The following CD34 variants were observed in gnomAD, a reference collection of about 807,000 sequenced individuals.
CD34 encodes CD34 molecule, also known as hematopoietic progenitor cell antigen CD34.
In CD34, 34 loss-of-function variants were observed where a neutral mutation model predicts 40.1. The observed-to-expected ratio is 0.85, with a 90% CI of 0.65 to 1.13. The LOEUF is 1.13. CD34 is among the 50% of genes most tolerant of loss of function. The pLI is 0.00. For missense variants in CD34, 426 were observed against 466.9 expected (o/e 0.91, Z 0.81); for synonymous variants, 209 against 190.0 (o/e 1.10, Z -0.82).
intron 1 of CD34, among the ~76,000 whole-genome samples, chr1:207,905,327 G>A (rs572677787): frequency 1.1e-4 from 17 of 152,300 alleles, no homozygotes; most frequent in Non-Finnish European, 2.4e-4. Flanking sequence ...GTAGAGACGG[G>A]GTTTAGCCAT....
At position 207,889,157 on chromosome 1, in the gene CD34, T is replaced by C. The variant is rs201611025; in HGVS notation, c.807+4A>G. 2 of 1,547,630 alleles carry C rather than the reference T, an allele frequency of 1.3e-6. No individual in the cohort carries two copies. The highest frequency in any genetic ancestry group is 8.9e-7 in the Non-Finnish European group (1 of 1,119,282). On this transcript the variant is annotated splice_donor_region_variant and intron_variant, in intron 6 of 7. Transcript: ENST00000310833. Reference sequence around the variant, plus strand: ...TCTCAGGCCCATCATCTCAGAGGACTTACCTTTTTCAGGTCAGATTGGTGC... The same window carrying C: ...TCTCAGGCCCATCATCTCAGAGGACCTACCTTTTTCAGGTCAGATTGGTGC...
intron 1 of CD34, among the ~76,000 whole-genome samples, chr1:207,902,516 G>C (rs1370731031): frequency 6.6e-6 from 1 of 152,152 alleles, no homozygotes; most frequent in Non-Finnish European, 1.5e-5. Flanking sequence ...ATTCATCCAA[G>C]GGGGCAGTAT....
chr1:207,901,589 T>A (rs1662272517), intron 1 of CD34, among the ~76,000 whole-genome samples: 1 of 152,236 alleles, frequency 6.6e-6, no homozygotes, highest in Admixed American at 6.5e-5. Flanking sequence ...CATCTCTTCC[T>A]GCTAAGCTGC....
chr1:207,895,644 A>G (rs1212014498), intron 4 of CD34, among the ~76,000 whole-genome samples: 1 of 152,224 alleles, frequency 6.6e-6, no homozygotes, highest in Non-Finnish European at 1.5e-5. Context: ...CACTTTTCTC[A>G]TACAGTGACC....
chr1:207,885,411 C>A lies in CD34; in HGVS notation c.*2327G>T. On this transcript the variant is annotated 3_prime_UTR_variant, in exon 8 of 8. Transcript: ENST00000310833. ...ACACAGCCCTTCCTCCCAAAGCATA[C>A]ATACACATTCCAGCAAACTCAGGGT... The A allele has an allele frequency of 6.6e-6, 1 of 152,536 alleles. No homozygotes were observed. The allele number at this position is 152,536 out of a possible 1,614,324, so 9.4% of individuals were successfully genotyped here. A position where few individuals can be genotyped will look rare whatever the true frequency, so the allele number is the denominator to read the frequency against.
chr1:207,889,358 C>A, intron 5 of CD34, 107 bp downstream of exon 5: 2 of 1,535,148 alleles, frequency 1.3e-6, no homozygotes, highest in Non-Finnish European at 1.8e-6. Context: ...AGTCCTTCTC[C>A]CCAGCACCTG....
At chr1:207,891,346 C>T (rs1219153847) in intron 4 of CD34, among the ~76,000 whole-genome samples, 2 of 151,982 alleles carry the variant, frequency 1.3e-5, no homozygotes, top group African/African-American at 4.8e-5. Flanking sequence ...TCTATGAATT[C>T]CACCTTGTCA....
At chr1:207,893,214 AC>A (rs1277176913) in intron 4 of CD34, among the ~76,000 whole-genome samples, 3 of 151,978 alleles carry the variant, frequency 2.0e-5, no homozygotes, top group Non-Finnish European at 4.4e-5. Context: ...AACCCATCTA[AC>A]CTCTCTAGAG....
rs1182962138 is a variant in CD34 at position 207,883,017 on chromosome 1, A to G, written c.*4721T>C. The G allele has an allele frequency of 6.6e-6, 1 of 152,198 alleles. No individual in the cohort carries two copies. Among genetic ancestry groups the G allele is most frequent in the African/African-American group, 2.4e-5 (1 of 41,430 alleles). 9.4% of individuals were successfully genotyped at this position (152,198 alleles called of 1,614,324 possible). The stretch of plus-strand genomic sequence containing the variant: ...CTGGCATAGTACCTGGCTTATAATA[A>G]GCACTCAAATATTTTTTGAATAAAT... On this transcript the variant is annotated 3_prime_UTR_variant, in exon 8 of 8. Transcript: ENST00000310833.
rs58259152 is a variant in CD34, at chr1:207,881,659, C to CAAAAAAAAAAAAAAAAAAAAAAAAAAAA, written c.*6078_*6079insTTTTTTTTTTTTTTTTTTTTTTTTTTTT. 1 of 69,034 alleles carries CAAAAAAAAAAAAAAAAAAAAAAAAAAAA rather than the reference C, an allele frequency of 1.4e-5. No homozygotes were observed. Among genetic ancestry groups the CAAAAAAAAAAAAAAAAAAAAAAAAAAAA allele is most frequent in the Non-Finnish European group, 3.0e-5 (1 of 33,770 alleles). The allele number at this position is 69,034 out of a possible 1,614,324, so 4.3% of individuals were successfully genotyped here. On this transcript the variant is annotated 3_prime_UTR_variant, in exon 8 of 8. Coordinates refer to ENST00000310833, the MANE Select transcript of CD34 (RefSeq NM_001025109.2). ...TGGGTGACAGAGCGAGACTCCGTCT[C>CAAAAAAAAAAAAAAAAAAAAAAAAAAAA]AAAAAAAAAAAAAAAAAAAAAGAAT...
intron 1 of CD34, 28 bp downstream of exon 1, chr1:207,910,974 G>C (rs537224462): frequency 2.0e-4 from 313 of 1,555,654 alleles, no homozygotes; most frequent in Non-Finnish European, 1.3e-4. Context: ...GCGAAGCCAA[G>C]CGGCCGCGGC....
Position 207,883,690 on chromosome 1 carries a change from T to C in CD34, c.*4048A>G, listed in dbSNP as rs1018504899. 2.0e-5 allele frequency: 3 copies of C among 152,218 alleles called. No individual in the cohort carries two copies. Among genetic ancestry groups the C allele is most frequent in the African/African-American group, 7.2e-5 (3 of 41,446 alleles). 9.4% of individuals were successfully genotyped at this position (152,218 alleles called of 1,614,324 possible). A position where few individuals can be genotyped will look rare whatever the true frequency, so the allele number is the denominator to read the frequency against. On this transcript the variant is annotated 3_prime_UTR_variant, in exon 8 of 8. Transcript: ENST00000310833. ...GCTATTTAAATATTGGCACCATATCTCAATTTTCATACAGTAAGCACTCAA... is the reference window on the plus strand; with the variant it reads ...GCTATTTAAATATTGGCACCATATCCCAATTTTCATACAGTAAGCACTCAA...
intron 4 of CD34, among the ~76,000 whole-genome samples, chr1:207,893,279 G>A (rs920527312): frequency 1.3e-5 from 2 of 152,146 alleles, no homozygotes; most frequent in East Asian, 1.9e-4. Context: ...CAATGGGGAC[G>A]GAGATGGGGG....
intron 4 of CD34, chr1:207,889,926 CAA>C: frequency 6.7e-7 from 1 of 1,481,840 alleles, no homozygotes; most frequent in South Asian, 1.4e-5. Context: ...AAATTAAACT[CAA>C]AAGAAATGGC....
chr1:207,906,459 T>C (rs1009010388), intron 1 of CD34, among the ~76,000 whole-genome samples: 14 of 152,156 alleles, frequency 9.2e-5, no homozygotes, highest in Non-Finnish European at 2.1e-4. Flanking sequence ...CTTCTTAAGC[T>C]TCAAAGGCTA....
intron 1 of CD34, among the ~76,000 whole-genome samples, chr1:207,900,327 TAAAC>T (rs1662248427): frequency 6.6e-6 from 1 of 152,136 alleles, no homozygotes; most frequent in Non-Finnish European, 1.5e-5. Context: ...TATAATCATA[TAAAC>T]AAACATTAGA....
chr1:207,899,758 C>G, intron 2 of CD34, 63 bp downstream of exon 2: 1 of 1,459,336 alleles, frequency 6.9e-7, no homozygotes, highest in African/African-American at 1.4e-5. Flanking sequence ...TGAAAACATC[C>G]TAAATGCTTT....
At position 207,885,000 on chromosome 1, in the gene CD34, G is replaced by A. The variant is rs1661874185; in HGVS notation, c.*2738C>T. The A allele has an allele frequency of 6.6e-6, 1 of 152,184 alleles. No homozygotes were observed. Among genetic ancestry groups the A allele is most frequent in the African/African-American group, 2.4e-5 (1 of 41,436 alleles). 9.4% of individuals were successfully genotyped at this position (152,184 alleles called of 1,614,324 possible). A position where few individuals can be genotyped will look rare whatever the true frequency, so the allele number is the denominator to read the frequency against. On this transcript the variant is annotated 3_prime_UTR_variant, in exon 8 of 8. Coordinates refer to ENST00000310833, the MANE Select transcript of CD34 (RefSeq NM_001025109.2). ...GATGGAAGGGAAAACTACAGATTCA[G>A]GACTTTGGAATTCTGGGTGATTGGG...
At chr1:207,904,700 T>G (rs1662342164) in intron 1 of CD34, among the ~76,000 whole-genome samples, 1 of 152,238 alleles carries the variant, frequency 6.6e-6, no homozygotes, top group Admixed American at 6.5e-5. Context: ...CTTATTTCTG[T>G]GACTCATCTG....
Sources: gnomAD v4.1 joint callset for allele counts (sites outside exome capture counted in the v4.1 genomes callset) on GRCh38, gnomAD v4.1.1 for gene constraint, MANE v1.5 for transcripts, NCBI Gene and HGNC (gene_info 2026-07-23, HGNC 2026-07-21) for gene names.